The following EIPR1 variants were observed in gnomAD, a reference collection of about 807,000 sequenced individuals.
EIPR1 encodes EARP and GARP complex-interacting protein 1.
In EIPR1, 25 loss-of-function variants were observed where a neutral mutation model predicts 48.1. The ratio of observed to expected loss-of-function variants is 0.52; its 90% CI spans 0.38 to 0.73. The LOEUF (loss-of-function observed/expected upper bound fraction) is 0.73. Among genes scored for constraint, EIPR1 ranks in the 30% least tolerant of loss-of-function variants. The pLI is 0.00. For missense variants in EIPR1, 415 were observed against 506.2 expected (o/e 0.82, Z 1.73); for synonymous variants, 204 against 201.9 (o/e 1.01, Z -0.09).
At chr2:3,341,161 G>A (rs1163141445) in intron 2 of EIPR1, among the ~76,000 whole-genome samples, 2 of 149,788 alleles carry the variant, frequency 1.3e-5, no homozygotes, top group African/African-American at 4.9e-5. Context: ...ATCAGTTGTG[G>A]TATATTCACA....
At chr2:3,313,510 G>A (rs768265535) in intron 3 of EIPR1, among the ~76,000 whole-genome samples, 13 of 152,132 alleles carry the variant, frequency 8.5e-5, no homozygotes, top group African/African-American at 1.2e-4. Flanking sequence ...CTGAACACTC[G>A]CTGGACTCCC....
At chr2:3,294,806 A>T (rs1454441700) in intron 3 of EIPR1, among the ~76,000 whole-genome samples, 3 of 92,490 alleles carry the variant, frequency 3.2e-5, no homozygotes, top group Non-Finnish European at 4.4e-5. Context: ...CATCCAGCCC[A>T]TCCTCTCTCC....
At chr2:3,257,130 T>C (rs756859351) in intron 4 of EIPR1, among the ~76,000 whole-genome samples, 169 bp downstream of exon 4, 64 of 152,160 alleles carry the variant, frequency 4.2e-4, no homozygotes, top group Non-Finnish European at 7.9e-4. Context: ...ATGCGGCTAA[T>C]CTAGAAAACA....
intron 2 of EIPR1, among the ~76,000 whole-genome samples, chr2:3,339,394 C>A (rs562357922): frequency 1.3e-5 from 2 of 152,354 alleles, no homozygotes; most frequent in African/African-American, 4.8e-5. Flanking sequence ...ACTGTCTCCA[C>A]GATACCCAGT....
intron 3 of EIPR1, among the ~76,000 whole-genome samples, chr2:3,290,812 C>T (rs1351738875): frequency 6.6e-5 from 10 of 152,248 alleles, no homozygotes; most frequent in African/African-American, 1.4e-4. Context: ...CGCGAATCAA[C>T]CAGCACTAAT....
At position 3,208,747 on chromosome 2, in the gene EIPR1, G is replaced by T. The variant is rs755302181; in HGVS notation, c.516+5402C>A. ...CGTGAGGCTCGTGGCGGGTCCTTCTGTGAGTGAGGCCCGTGGCGAGTCCTT... is the reference window on the plus strand; with the variant it reads ...CGTGAGGCTCGTGGCGGGTCCTTCTTTGAGTGAGGCCCGTGGCGAGTCCTT... On this transcript the variant is annotated intron_variant, in intron 5 of 8. Coordinates refer to ENST00000382125, the MANE Select transcript of EIPR1 (RefSeq NM_003310.5). 7.8e-6 allele frequency: 12 copies of T among 1,544,956 alleles called. No homozygotes were observed. In the African/African-American group the frequency reaches 1.4e-4, roughly 18 times the overall value.
rs1452414913 is a variant in EIPR1, at chr2:3,286,846, G to A, written c.260-29391C>T. The stretch of plus-strand genomic sequence containing the variant: ...CCAAGAACACACCAGAGTGCCAGCC[G>A]GCAGAGGGGGCTGTGGGGAGCACAC... On this transcript the variant is annotated intron_variant, in intron 3 of 8. Coordinates refer to ENST00000382125, the MANE Select transcript of EIPR1 (RefSeq NM_003310.5). This position sits in a 1 kb window ranked among gnomAD's most constrained non-coding sequence, Gnocchi z 4.2. 3.3e-5 allele frequency among the ~76,000 whole-genome samples: 5 copies of A among 152,040 alleles called. No homozygotes were observed. The highest frequency in any genetic ancestry group is 4.8e-5 in the African/African-American group (2 of 41,388).
At chr2:3,310,525 C>T (rs907437211) in intron 3 of EIPR1, among the ~76,000 whole-genome samples, 20 of 145,244 alleles carry the variant, frequency 1.4e-4, no homozygotes, top group Non-Finnish European at 2.3e-4. Context: ...TAGTGGCGGG[C>T]GCCTGTAGTC....
chr2:3,264,936 C>G (rs1274686504), intron 3 of EIPR1, among the ~76,000 whole-genome samples: 1 of 152,196 alleles, frequency 6.6e-6, no homozygotes, highest in Non-Finnish European at 1.5e-5. Context: ...CCGCCCTCCT[C>G]AGCCTCCCAA....
intron 3 of EIPR1, among the ~76,000 whole-genome samples, chr2:3,275,458 A>G (rs538697446): frequency 1.3e-4 from 20 of 152,348 alleles, no homozygotes; most frequent in African/African-American, 4.8e-4. Flanking sequence ...TAACTGATAG[A>G]ACCAGTTAGA....
chr2:3,250,500 A>C (rs941887016), intron 4 of EIPR1, among the ~76,000 whole-genome samples: 2 of 152,158 alleles, frequency 1.3e-5, no homozygotes, highest in African/African-American at 4.8e-5. Context: ...TGGATTTTTG[A>C]GTTGGGGCTG....
intron 3 of EIPR1, among the ~76,000 whole-genome samples, chr2:3,267,977 C>T (rs1237531014): frequency 6.6e-6 from 1 of 152,236 alleles, no homozygotes; most frequent in African/African-American, 2.4e-5. Context: ...TGGCTGCTGT[C>T]CTTGGAGGTG....
intron 4 of EIPR1, among the ~76,000 whole-genome samples, chr2:3,244,047 C>G (rs1666722338): frequency 6.6e-6 from 1 of 152,222 alleles, no homozygotes; most frequent in South Asian, 2.1e-4. Context: ...GCTGTGACAA[C>G]CCAGGCCCAC....
At chr2:3,346,988 G>C (rs1670420602) in intron 2 of EIPR1, among the ~76,000 whole-genome samples, 1 of 152,152 alleles carries the variant, frequency 6.6e-6, no homozygotes. Context: ...TCATGGCTGG[G>C]TGCTGTCTTC....
At chr2:3,224,877 A>T (rs1271266056) in intron 4 of EIPR1, among the ~76,000 whole-genome samples, 6 of 152,170 alleles carry the variant, frequency 3.9e-5, no homozygotes, top group African/African-American at 1.4e-4. Context: ...CTAAGAGTTC[A>T]TGAGATATCT....
chr2:3,191,667 A>G (rs1403391312), intron 8 of EIPR1, among the ~76,000 whole-genome samples: 1 of 152,150 alleles, frequency 6.6e-6, no homozygotes, highest in Non-Finnish European at 1.5e-5. Flanking sequence ...ACTGAATTGC[A>G]TCTAGTCACC....
At chr2:3,247,374 A>G (rs1181903342) in intron 4 of EIPR1, among the ~76,000 whole-genome samples, 5 of 152,178 alleles carry the variant, frequency 3.3e-5, no homozygotes, top group Non-Finnish European at 7.3e-5. Flanking sequence ...CCTCTTTATC[A>G]TCAAAGGGCG....
At position 3,210,838 on chromosome 2, in the gene EIPR1, C is replaced by G. The variant is rs1168784728; in HGVS notation, c.516+3311G>C. Among the ~76,000 whole-genome samples, 8 of 152,004 alleles carry G rather than the reference C, an allele frequency of 5.3e-5. No individual in the cohort carries two copies. In the South Asian group the frequency reaches 1.0e-3, roughly 20 times the overall value. ...ATTTTTAGTAGAGACGGGGTTTCAC[C>G]ACGTTGGCCAGGCTGGCCTCAAACT... On this transcript the variant is annotated intron_variant, in intron 5 of 8. Coordinates refer to ENST00000382125, the MANE Select transcript of EIPR1 (RefSeq NM_003310.5).
intron 3 of EIPR1, among the ~76,000 whole-genome samples, chr2:3,264,456 A>T (rs762826222): frequency 2.4e-4 from 37 of 152,356 alleles, no homozygotes; most frequent in Admixed American, 1.4e-3. Context: ...ATGCCCCAGA[A>T]GAACTGGATA....
Sources: allele counts gnomAD v4.1 joint callset (sites outside exome capture counted in the v4.1 genomes callset), GRCh38; gene constraint gnomAD v4.1.1; non-coding constraint Gnocchi (gnomAD v3.1); transcripts MANE v1.5; gene names NCBI Gene and HGNC (gene_info 2026-07-23, HGNC 2026-07-21).